IQSEC1: variants seen among roughly 807,000 people sequenced by gnomAD.
IQSEC1 encodes the protein IQ motif and Sec7 domain ArfGEF 1.
In IQSEC1, 31 loss-of-function variants were observed where a neutral mutation model predicts 91.0. That is an observed-to-expected ratio of 0.34 (90% confidence interval 0.26 to 0.46). The LOEUF (loss-of-function observed/expected upper bound fraction) is 0.46. Ranked by LOEUF, IQSEC1 falls within the 20% of genes least tolerant of loss-of-function variation. IQSEC1 has a pLI of 1.00. For missense variants in IQSEC1, 1,388 were observed against 1,575.6 expected (o/e 0.88, Z 2.02); for synonymous variants, 699 against 662.6 (o/e 1.05, Z -0.84).
chr3:13,022,207 CCCTT>C, intron 1 of IQSEC1: 1 of 1,230,448 alleles, frequency 8.1e-7, no homozygotes, highest in Non-Finnish European at 1.0e-6. Context: ...ATTTTCAGGT[CCCTT>C]CCTTCTTCAT....
intron 1 of IQSEC1, among the ~76,000 whole-genome samples, chr3:13,234,544 A>G (rs73134196): frequency 0.12 from 18,083 of 152,060 alleles, 2,439 homozygotes; most frequent in African/African-American, 0.32. Flanking sequence ...ACCCCATGTC[A>G]TCTTGCGCTA....
intron 1 of IQSEC1, among the ~76,000 whole-genome samples, chr3:13,272,385 C>T (rs1200076508): frequency 6.6e-6 from 1 of 152,242 alleles, no homozygotes; most frequent in East Asian, 1.9e-4. Context: ...GACATTCATT[C>T]GTACAATATT....
At chr3:13,061,818 T>C (rs1705077617) in intron 1 of IQSEC1, among the ~76,000 whole-genome samples, 1 of 151,998 alleles carries the variant, frequency 6.6e-6, no homozygotes, top group Non-Finnish European at 1.5e-5. Flanking sequence ...AACACACACA[T>C]TTGAATTCCC....
intron 2 of IQSEC1, among the ~76,000 whole-genome samples, chr3:13,096,918 T>A (rs1187032370): frequency 2.0e-5 from 3 of 150,408 alleles, no homozygotes; most frequent in Non-Finnish European, 1.5e-5. Context: ...TGGAGTGCGG[T>A]GGCGCGATCT....
At position 12,998,404 on chromosome 3, in the gene IQSEC1, C is replaced by T. The variant is rs139258765; in HGVS notation, c.24-56539G>A. Among the ~76,000 whole-genome samples the T allele has an allele frequency of 5.3e-5, 8 of 152,212 alleles. No individual in the cohort carries two copies. The East Asian group carries it at 1.5e-3, about 29-fold the overall frequency. ...AAACAACAACAAAAAAGTGGCATCT[C>T]TACATGGACTGATATGATAAGGAAC... On this transcript the variant is annotated intron_variant, in intron 1 of 13. Coordinates refer to ENST00000613206, the MANE Select transcript of IQSEC1 (RefSeq NM_001134382.3).
At chr3:13,138,829 T>C (rs1392185016) in intron 2 of IQSEC1, among the ~76,000 whole-genome samples, 1 of 151,848 alleles carries the variant, frequency 6.6e-6, no homozygotes, top group African/African-American at 2.4e-5. Context: ...CTTCCCCTCC[T>C]GGTCCCAGCT....
chr3:12,932,837 A>C (rs1299947550), intron 3 of IQSEC1, among the ~76,000 whole-genome samples: 1 of 152,208 alleles, frequency 6.6e-6, no homozygotes, highest in Non-Finnish European at 1.5e-5. Flanking sequence ...TGTGGCTGTC[A>C]GCTGGGCCAG....
intron 1 of IQSEC1, among the ~76,000 whole-genome samples, chr3:13,227,578 G>T (rs959985858): frequency 5.3e-5 from 8 of 152,082 alleles, no homozygotes; most frequent in African/African-American, 1.9e-4. Context: ...ACCTGGGTGA[G>T]GTGGGTGCTG....
intron 2 of IQSEC1, among the ~76,000 whole-genome samples, chr3:13,141,910 G>C (rs1289852039): frequency 4.6e-5 from 7 of 152,192 alleles, no homozygotes; most frequent in African/African-American, 1.4e-4. Flanking sequence ...GTCAGAGCTG[G>C]GAGAGCCAGG....
chr3:12,943,324 C>T lies in IQSEC1; in HGVS notation c.24-1459G>A, dbSNP rs569228043. On this transcript the variant is annotated intron_variant, in intron 1 of 13. Transcript: ENST00000613206. ...GGTGGGGCCATGCGGGGCGGGCTGACGAGCTCATCCCGACTCGGAACTCGC... is the reference window on the plus strand; with the variant it reads ...GGTGGGGCCATGCGGGGCGGGCTGATGAGCTCATCCCGACTCGGAACTCGC... Among the ~76,000 whole-genome samples, 4 of 152,346 alleles carry T rather than the reference C, an allele frequency of 2.6e-5. No individual in the cohort carries two copies. The South Asian group carries it at 8.3e-4, about 32-fold the overall frequency.
At position 13,207,779 on chromosome 3, in the gene IQSEC1, A is replaced by G. The variant is rs1426317254; in HGVS notation, c.273-43646T>C. Among the ~76,000 whole-genome samples, 1 of 151,576 alleles carries G rather than the reference A, an allele frequency of 6.6e-6. No homozygotes were observed. Among genetic ancestry groups the G allele is most frequent in the African/African-American group, 2.4e-5 (1 of 41,212 alleles). Reference sequence around the variant, plus strand: ...CTCTCTCACCATCGCATCTAAACCAACCATCCCTGCCACCCGGCCACGTGG... The same window carrying G: ...CTCTCTCACCATCGCATCTAAACCAGCCATCCCTGCCACCCGGCCACGTGG... On this transcript the variant is annotated intron_variant, in intron 1 of 15. Transcript: ENST00000648114. This position sits in a 1 kb window ranked among gnomAD's most constrained non-coding sequence, Gnocchi z 4.8.
At chr3:13,240,804 CA>C (rs1695009434) in intron 1 of IQSEC1, among the ~76,000 whole-genome samples, 1 of 152,182 alleles carries the variant, frequency 6.6e-6, no homozygotes, top group African/African-American at 2.4e-5. Context: ...AGAGTTGCGG[CA>C]GGCAGAGGAG....
intron 2 of IQSEC1, among the ~76,000 whole-genome samples, chr3:13,114,650 T>C (rs1576256664): frequency 1.3e-5 from 2 of 151,988 alleles, no homozygotes; most frequent in Non-Finnish European, 2.9e-5. Flanking sequence ...AAAATTAGCC[T>C]GGCATGGTGG....
Position 13,268,928 on chromosome 3 carries a change from G to T in IQSEC1, c.272+13783C>A, listed in dbSNP as rs143348138. 1.8e-3 allele frequency among the ~76,000 whole-genome samples: 279 copies of T among 152,276 alleles called. 3 individuals are homozygous for T. Among genetic ancestry groups the T allele is most frequent in the African/African-American group, 6.2e-3 (257 of 41,544 alleles). On this transcript the variant is annotated intron_variant, in intron 1 of 15. Coordinates refer to the IQSEC1 transcript ENST00000648114. ...GCCTGCAGAGGGACCAGGGCTACAG[G>T]AATAAATATAATCAACATAAAGAGA...
chr3:13,059,185 T>C (rs536515169), intron 1 of IQSEC1, among the ~76,000 whole-genome samples: 2 of 152,194 alleles, frequency 1.3e-5, no homozygotes, highest in East Asian at 1.9e-4. Flanking sequence ...GGGTGTCCCA[T>C]AGGGCTCTCC....
intron 1 of IQSEC1, among the ~76,000 whole-genome samples, chr3:12,957,357 T>G (rs1172484166): frequency 1.3e-5 from 2 of 152,154 alleles, no homozygotes; most frequent in African/African-American, 4.8e-5. Flanking sequence ...TCTTGTTGGT[T>G]CTGAGTGCAC....
chr3:12,988,128 G>A (rs989632875), intron 1 of IQSEC1, among the ~76,000 whole-genome samples: 5 of 152,158 alleles, frequency 3.3e-5, no homozygotes, highest in African/African-American at 1.2e-4. Context: ...TTATTTAAAA[G>A]GACAGCTGGG....
At chr3:12,956,402 T>C (rs554835666) in intron 1 of IQSEC1, among the ~76,000 whole-genome samples, 1 of 152,320 alleles carries the variant, frequency 6.6e-6, no homozygotes, top group African/African-American at 2.4e-5. Context: ...GCATGGCTGG[T>C]GGGAACACCA....
chr3:12,949,925 T>G (rs1175249077), intron 1 of IQSEC1, among the ~76,000 whole-genome samples: 1 of 152,166 alleles, frequency 6.6e-6, no homozygotes, highest in African/African-American at 2.4e-5. Flanking sequence ...CTAGCAGTTT[T>G]GAACAGTTCA....
Sources: gnomAD v4.1 joint callset for allele counts (sites outside exome capture counted in the v4.1 genomes callset) on GRCh38, gnomAD v4.1.1 for gene constraint, Gnocchi (gnomAD v3.1) non-coding constraint, MANE v1.5 for transcripts, NCBI Gene and HGNC (gene_info 2026-07-23, HGNC 2026-07-21) for gene names.